Variants in TXNRD1 observed in about 807,000 individuals in gnomAD.
TXNRD1 encodes the protein thioredoxin reductase 1, also known as thioredoxin reductase 1, cytoplasmic.
TXNRD1 carries 57 observed loss-of-function variants against 80.3 expected under a neutral mutation model. The ratio of observed to expected loss-of-function variants is 0.71; its 90% CI spans 0.57 to 0.89. The LOEUF is 0.89. Among genes scored for constraint, TXNRD1 ranks in the 40% least tolerant of loss-of-function variants. TXNRD1 has a pLI of 0.00. For synonymous variants in TXNRD1, 291 were observed against 285.2 expected, an observed-to-expected ratio of 1.02 and a Z score of -0.20; for missense variants, 730 against 803.0, an observed-to-expected ratio of 0.91 and a Z score of 1.10.
In TXNRD1 at chr12:104,275,171, G is replaced by A. The variant is rs191810279; in HGVS notation, c.305-13760G>A. On this transcript the variant is annotated intron_variant, in intron 3 of 16. Coordinates refer to ENST00000525566, the MANE Select transcript of TXNRD1 (RefSeq NM_001093771.3). Reference sequence around the variant, plus strand: ...CGCATGCCTGTAATCCCAGCTACTCGGGTGGCTGAGGCAGGAGAACCACTT... The same window carrying A: ...CGCATGCCTGTAATCCCAGCTACTCAGGTGGCTGAGGCAGGAGAACCACTT... Among the ~76,000 whole-genome samples, 116 of 150,736 alleles carry A rather than the reference G, an allele frequency of 7.7e-4. 1 individual carries two copies. Among genetic ancestry groups the A allele is most frequent in the African/African-American group, 2.6e-3 (108 of 41,118 alleles).
intron 2 of TXNRD1, among the ~76,000 whole-genome samples, chr12:104,253,972 C>A (rs577093634): frequency 6.6e-6 from 1 of 152,144 alleles, no homozygotes; most frequent in African/African-American, 2.4e-5. Context: ...GGATTATAGG[C>A]GTGAGCCACT....
chr12:104,220,305 T>G (rs2032321719), intron 1 of TXNRD1, among the ~76,000 whole-genome samples: 1 of 152,254 alleles, frequency 6.6e-6, no homozygotes, highest in African/African-American at 2.4e-5. Flanking sequence ...GTAATCTTGC[T>G]TTTTGTTGAT....
At chr12:104,289,622 T>C (rs1050392827) in intron 4 of TXNRD1, 4 of 152,502 alleles carry the variant, frequency 2.6e-5, no homozygotes, top group African/African-American at 9.7e-5. Context: ...GCAAACGCAG[T>C]AGAAATCCTT....
In TXNRD1 at chr12:104,318,917, G is replaced by A. The variant is rs1183404404; in HGVS notation, c.735G>A (p.Lys245=). Residue 245 remains lysine, a synonymous_variant, in exon 8 of 17, where the codon AAG becomes AAA. Coordinates refer to ENST00000525566, the MANE Select transcript of TXNRD1 (RefSeq NM_001093771.3). ...TTGTTTTATTTTCTTATACAGTTAA[G>A]CATGATTGGGACAGAATGATAGAAG... ...NYGWKVEETV[K]HDWDRMIEAV... 6.2e-6 allele frequency: 10 copies of A among 1,607,146 alleles called. No individual in the cohort carries two copies. Among genetic ancestry groups the A allele is most frequent in the Non-Finnish European group, 2.5e-6 (3 of 1,178,178 alleles).
chr12:104,308,263 G>A (rs912951793), intron 4 of TXNRD1, among the ~76,000 whole-genome samples: 3 of 152,142 alleles, frequency 2.0e-5, no homozygotes, highest in African/African-American at 7.2e-5. Context: ...TCAAAGTGCT[G>A]GGATTACAGG....
At chr12:104,240,756 T>TC (rs2032840302) in intron 1 of TXNRD1, among the ~76,000 whole-genome samples, 1 of 151,728 alleles carries the variant, frequency 6.6e-6, no homozygotes, top group African/African-American at 2.4e-5. Flanking sequence ...TGGAATTTTT[T>TC]TTTTTTTTTG....
chr12:104,239,270 T>G (rs1388103047), intron 1 of TXNRD1, among the ~76,000 whole-genome samples: 37 of 151,806 alleles, frequency 2.4e-4, no homozygotes, highest in Admixed American at 2.4e-3. Context: ...CTCGGCTCAC[T>G]GCAACCTCTG....
intron 2 of TXNRD1, among the ~76,000 whole-genome samples, chr12:104,254,644 A>AAAAAAAAAAATATATATATATATATAT: frequency 1.3e-4 from 12 of 93,618 alleles, no homozygotes; most frequent in East Asian, 1.1e-3. Flanking sequence ...AAAAAAAAAA[A>AAAAAAAAAAATATATATATATATATAT]ATATATATAT....
In TXNRD1 at chr12:104,326,429, A is replaced by G. The variant is rs1402403279; in HGVS notation, c.1385+6A>G. The G allele has an allele frequency of 6.6e-7, 1 of 1,519,234 alleles. No homozygotes were observed. The highest frequency in any genetic ancestry group is 8.8e-7 in the Non-Finnish European group (1 of 1,131,982). 94.1% of individuals were successfully genotyped at this position (1,519,234 alleles called of 1,614,324 possible). On this transcript the variant is annotated splice_donor_region_variant and intron_variant, in intron 12 of 16. Coordinates refer to ENST00000525566, the MANE Select transcript of TXNRD1 (RefSeq NM_001093771.3). ...GGGGTGAAGATAAATGAAAAGTAAG[A>G]AAAAAATCTTTATTATGTCATATTT...
Position 104,289,133 on chromosome 12 carries a change from A to G in TXNRD1, c.414+93A>G, listed in dbSNP as rs1443967385. The stretch of plus-strand genomic sequence containing the variant: ...GCCTTTTAAAGCCAGCGTGGATGTG[A>G]CCCTCCAAACGGGACGCAGCGCTGG... On this transcript the variant is annotated intron_variant, in intron 4 of 16. Transcript: ENST00000525566. The G allele has an allele frequency of 2.1e-6, 3 of 1,418,820 alleles. No individual in the cohort carries two copies. The African/African-American group carries it at 4.3e-5, about 20-fold the overall frequency. 87.9% of individuals were successfully genotyped at this position (1,418,820 alleles called of 1,614,324 possible).
At chr12:104,262,949 A>G (rs1358018224) in intron 3 of TXNRD1, among the ~76,000 whole-genome samples, 3 of 152,110 alleles carry the variant, frequency 2.0e-5, no homozygotes, top group Admixed American at 6.6e-5. Context: ...CTACCAGGGG[A>G]TCCTCTCTCT....
At chr12:104,271,642 T>C (rs2033655079) in intron 3 of TXNRD1, among the ~76,000 whole-genome samples, 1 of 152,054 alleles carries the variant, frequency 6.6e-6, no homozygotes. Flanking sequence ...TCAGTCAGGG[T>C]GGGGCAGAAA....
rs566465051 is a variant in TXNRD1 at position 104,255,293 on chromosome 12, C to CT, written c.244-2718dup. On this transcript the variant is annotated intron_variant, in intron 2 of 16. Transcript: ENST00000525566. The stretch of plus-strand genomic sequence containing the variant: ...CCTATCATTGTTCTTTTTTTCTTTT[C>CT]TTTTTTTTAGTCCCTATTATGCCCC... Among the ~76,000 whole-genome samples, 118 of 151,518 alleles carry CT rather than the reference C, an allele frequency of 7.8e-4. No homozygotes were observed. In the Middle Eastern group the frequency reaches 0.01, roughly 13 times the overall value.
intron 1 of TXNRD1, among the ~76,000 whole-genome samples, chr12:104,228,816 T>C (rs2032536775): frequency 6.6e-6 from 1 of 151,458 alleles, no homozygotes; most frequent in African/African-American, 2.4e-5. Context: ...GCCTCCCGGG[T>C]TCACGCCATT....
At chr12:104,265,208 C>T (rs2033448947) in intron 3 of TXNRD1, 8 of 1,081,920 alleles carry the variant, frequency 7.4e-6, no homozygotes, top group Non-Finnish European at 1.1e-5. Context: ...GCTGAGATCA[C>T]ACCACTGCAC....
chr12:104,303,556 T>C (rs985427044), intron 4 of TXNRD1, among the ~76,000 whole-genome samples: 1 of 152,238 alleles, frequency 6.6e-6, no homozygotes, highest in Non-Finnish European at 1.5e-5. Context: ...TGAAAAAGAA[T>C]AGCTGTCCCC....
chr12:104,252,063 C>CAAAA (rs60195108), intron 2 of TXNRD1, among the ~76,000 whole-genome samples: 6 of 55,076 alleles, frequency 1.1e-4, no homozygotes, highest in African/African-American at 3.7e-4. Flanking sequence ...GACTCCATCT[C>CAAAA]AAAAAAAAAA....
At chr12:104,308,627 A>AAG (rs1354893193) in intron 4 of TXNRD1, among the ~76,000 whole-genome samples, 1 of 152,290 alleles carries the variant, frequency 6.6e-6, no homozygotes, top group Middle Eastern at 3.4e-3. Context: ...GCTCTGTTTA[A>AAG]GATTGTAAAG....
chr12:104,281,648 C>T (rs111824740), intron 3 of TXNRD1, among the ~76,000 whole-genome samples: 5,017 of 151,984 alleles, frequency 0.033, 298 homozygotes, highest in African/African-American at 0.11. Context: ...CCTCGTGATC[C>T]GCCCGCCTCA....
Sources: gnomAD v4.1 joint callset for allele counts (sites outside exome capture counted in the v4.1 genomes callset) on GRCh38, gnomAD v4.1.1 for gene constraint, MANE v1.5 for transcripts, NCBI Gene and HGNC (gene_info 2026-07-23, HGNC 2026-07-21) for gene names.